The following DAAM1 variants were observed in gnomAD, a reference collection of about 807,000 sequenced individuals.
The protein encoded by DAAM1 is dishevelled associated activator of morphogenesis 1.
In DAAM1, 52 loss-of-function variants were observed where a neutral mutation model predicts 130.0. The ratio of observed to expected loss-of-function variants is 0.40; its 90% CI spans 0.32 to 0.50. The LOEUF is 0.50. DAAM1 is among the 20% of genes least tolerant of loss of function. The pLI is 0.61. For synonymous variants in DAAM1, 452 were observed against 444.5 expected (o/e 1.02, Z -0.21); for missense variants, 1,134 against 1,303.8 (o/e 0.87, Z 2.01).
intron 1 of DAAM1, among the ~76,000 whole-genome samples, chr14:59,232,601 CT>C (rs528394303): frequency 6.7e-6 from 1 of 148,214 alleles, no homozygotes; most frequent in Non-Finnish European, 1.5e-5. Context: ...TATTGCATTT[CT>C]TTTTTTTTCT....
At position 59,194,609 on chromosome 14, in the gene DAAM1, C is replaced by T. The variant is rs542170191; in HGVS notation, c.-38+5841C>T. On this transcript the variant is annotated intron_variant, in intron 1 of 24. Transcript: ENST00000360909. ...CCCATAATTTCTCAGCCTCCCTCTT[C>T]CCTGTAGTCTTTTAACATACATTGT... Among the ~76,000 whole-genome samples, 3 of 152,296 alleles carry T rather than the reference C, an allele frequency of 2.0e-5. No individual in the cohort carries two copies. In the South Asian group the frequency reaches 6.2e-4, roughly 32 times the overall value.
rs1397004105 is a variant in DAAM1, at chr14:59,368,929, A to G, written c.*70A>G. 3.5e-6 allele frequency: 5 copies of G among 1,440,972 alleles called. No individual in the cohort carries two copies. In the African/African-American group the frequency reaches 5.7e-5, roughly 16 times the overall value. The allele number at this position is 1,440,972 out of a possible 1,614,324, so 89.3% of individuals were successfully genotyped here. ...TAAAGTGACTAGAACGTTTCATTACACTGCCTTGCAATCCAAACAGTGGCA... is the reference window on the plus strand; with the variant it reads ...TAAAGTGACTAGAACGTTTCATTACGCTGCCTTGCAATCCAAACAGTGGCA... On this transcript the variant is annotated 3_prime_UTR_variant, in exon 25 of 25. Transcript: ENST00000360909.
At chr14:59,308,841 T>C (rs1230304167) in intron 3 of DAAM1, among the ~76,000 whole-genome samples, 2 of 152,204 alleles carry the variant, frequency 1.3e-5, no homozygotes, top group Non-Finnish European at 2.9e-5. Context: ...ATTCTGAGGC[T>C]TAGGAGGAGG....
intron 2 of DAAM1, among the ~76,000 whole-genome samples, chr14:59,288,287 C>T (rs374892820): frequency 6.6e-6 from 1 of 152,168 alleles, no homozygotes; most frequent in East Asian, 1.9e-4. Context: ...AGATTGAAGA[C>T]TTAACTGTAA....
intron 1 of DAAM1, among the ~76,000 whole-genome samples, chr14:59,228,896 A>G (rs564286100): frequency 1.3e-5 from 2 of 152,308 alleles, no homozygotes; most frequent in African/African-American, 2.4e-5. Context: ...CATTGGTAGA[A>G]TGGATACTCT....
rs967897273 is a variant in DAAM1, at chr14:59,330,712, G to A, written c.1560+24G>A. The A allele has an allele frequency of 1.3e-5, 21 of 1,577,544 alleles. No homozygotes were observed. The East Asian group carries it at 3.2e-4, about 24-fold the overall frequency. On this transcript the variant is annotated intron_variant, in intron 13 of 24. Transcript: ENST00000360909. ...GGGTGAGGTCTTCCGCTCAGCTCACGGGCAGCTGCCAAGGCCTCACTGACC... is the reference window on the plus strand; with the variant it reads ...GGGTGAGGTCTTCCGCTCAGCTCACAGGCAGCTGCCAAGGCCTCACTGACC...
At chr14:59,224,897 C>T (rs983048796) in intron 1 of DAAM1, among the ~76,000 whole-genome samples, 2 of 151,984 alleles carry the variant, frequency 1.3e-5, no homozygotes, top group Non-Finnish European at 2.9e-5. Flanking sequence ...GGGAACGGTG[C>T]GAAGGCACCA....
At chr14:59,218,145 A>G (rs925063001) in intron 1 of DAAM1, among the ~76,000 whole-genome samples, 3 of 152,126 alleles carry the variant, frequency 2.0e-5, no homozygotes, top group Non-Finnish European at 2.9e-5. Flanking sequence ...AAAAAAGAAA[A>G]AAATTCAAGA....
In DAAM1 at chr14:59,331,399, G is replaced by A. The variant is rs1156736780; in HGVS notation, c.1751G>A (p.Gly584Glu). The change falls in exon 14 of 25, where the codon GGG (glycine) becomes GAG (glutamate). Residue 584 changes from glycine to glutamate, a missense_variant. Coordinates refer to ENST00000360909, the MANE Select transcript of DAAM1 (RefSeq NM_001270520.2). ...PPPPPGPPPL[G>E]AIMPPPGAPM... ...CCTCCCCCAGGGCCTCCTCCCTTAG[G>A]GGCAATCATGCCACCTCCTGGTGCT... 2.5e-6 allele frequency: 4 copies of A among 1,613,342 alleles called. No homozygotes were observed. Among genetic ancestry groups the A allele is most frequent in the Non-Finnish European group, 2.5e-6 (3 of 1,179,936 alleles).
chr14:59,227,048 T>G (rs1888962085), intron 1 of DAAM1, among the ~76,000 whole-genome samples: 2 of 152,230 alleles, frequency 1.3e-5, no homozygotes, highest in South Asian at 4.1e-4. Context: ...CATACATCTG[T>G]AGAATTTCCA....
chr14:59,194,814 CCATAG>C (rs1887834539), intron 1 of DAAM1, among the ~76,000 whole-genome samples: 2 of 152,182 alleles, frequency 1.3e-5, no homozygotes, highest in Admixed American at 1.3e-4. Flanking sequence ...TTCTTTTAAA[CCATAG>C]CCACAGTTGT....
chr14:59,261,083 GAGA>G (rs1288239151), intron 1 of DAAM1, among the ~76,000 whole-genome samples: 2 of 152,270 alleles, frequency 1.3e-5, no homozygotes, highest in Non-Finnish European at 1.5e-5. Flanking sequence ...GCTCTGCTCT[GAGA>G]AGATGGTGGC....
At chr14:59,327,666 CA>C (rs1369824171) in intron 12 of DAAM1, among the ~76,000 whole-genome samples, 2 of 152,072 alleles carry the variant, frequency 1.3e-5, no homozygotes, top group African/African-American at 4.8e-5. Flanking sequence ...CTTGGCTGCC[CA>C]AAGTGCTGGG....
At chr14:59,314,871 T>C (rs1220691661) in intron 3 of DAAM1, among the ~76,000 whole-genome samples, 2 of 152,180 alleles carry the variant, frequency 1.3e-5, no homozygotes, top group Non-Finnish European at 2.9e-5. Context: ...ACTGAAAAAG[T>C]TTGGTTAATA....
At chr14:59,203,617 A>T (rs932407717) in intron 1 of DAAM1, among the ~76,000 whole-genome samples, 1 of 152,274 alleles carries the variant, frequency 6.6e-6, no homozygotes, top group Middle Eastern at 3.4e-3. Context: ...ACCACTTGAG[A>T]TATGAGAATC....
At chr14:59,221,854 C>T (rs138179805) in intron 1 of DAAM1, among the ~76,000 whole-genome samples, 136 of 152,316 alleles carry the variant, frequency 8.9e-4, no homozygotes, top group African/African-American at 3.2e-3. Flanking sequence ...GGAACTAAGG[C>T]CAGCAGAGCA....
At chr14:59,338,191 A>G (rs1188924186) in intron 15 of DAAM1, among the ~76,000 whole-genome samples, 1 of 152,120 alleles carries the variant, frequency 6.6e-6, no homozygotes, top group African/African-American at 2.4e-5. Context: ...AATGCTTAGT[A>G]TTGTGCTCTT....
chr14:59,293,391 C>T (rs188234038), intron 3 of DAAM1, among the ~76,000 whole-genome samples: 1 of 152,192 alleles, frequency 6.6e-6, no homozygotes, highest in African/African-American at 2.4e-5. Context: ...CCACACCTAT[C>T]GAATCCCCTT....
chr14:59,366,233 A>T (rs79698162), intron 23 of DAAM1, among the ~76,000 whole-genome samples: 6,707 of 151,896 alleles, frequency 0.044, 446 homozygotes, highest in African/African-American at 0.15. Flanking sequence ...TTTTAAAAAA[A>T]AATTTTTTTT....
Sources: allele counts gnomAD v4.1 joint callset (sites outside exome capture counted in the v4.1 genomes callset), GRCh38; gene constraint gnomAD v4.1.1; transcripts MANE v1.5; gene names NCBI Gene and HGNC (gene_info 2026-07-23, HGNC 2026-07-21).